The following ALMS1 variants were observed in gnomAD, a reference collection of about 807,000 sequenced individuals.
ALMS1 encodes the protein centrosome-associated protein ALMS1.
In ALMS1, 271 loss-of-function variants were observed where a neutral mutation model predicts 352.2. That is an observed-to-expected ratio of 0.77 (90% confidence interval 0.70 to 0.85). ALMS1 has a LOEUF of 0.85. Among genes scored for constraint, ALMS1 ranks in the 40% least tolerant of loss-of-function variants. The pLI is 0.00. For missense variants in ALMS1, 5,445 were observed against 4,870.7 expected (o/e 1.12, Z -3.51); for synonymous variants, 1,865 against 1,761.2 (o/e 1.06, Z -1.48).
chr2:73,489,784 C>G lies in ALMS1; in HGVS notation c.7825C>G (p.Pro2609Ala). 7 of 1,614,138 alleles carry G rather than the reference C, an allele frequency of 4.3e-6. No individual in the cohort carries two copies. Among genetic ancestry groups the G allele is most frequent in the Non-Finnish European group, 5.9e-6 (7 of 1,180,026 alleles). ...RHPCAFRSAGPSEMTRGRQNP... is the reference protein window; with the variant it reads ...RHPCAFRSAGASEMTRGRQNP... ...CCCTTGTGCTTTCAGATCTGCTGGA[C>G]CCTCAGAAATGACCAGAGGACGGCA... Residue 2609 changes from proline to alanine, a missense_variant, in exon 10 of 23, where the codon CCC becomes GCC. Physicochemically the swap from Pro to Ala is conservative, Grantham distance 27 (BLOSUM62 -1). Coordinates refer to ENST00000613296, the MANE Select transcript of ALMS1 (RefSeq NM_001378454.1).
Position 73,453,999 on chromosome 2 carries a change from C to A in ALMS1, c.7472C>A (p.Ser2491Tyr). The change falls in exon 8 of 23, where the codon TCC (serine) becomes TAC (tyrosine). Residue 2491 changes from serine (S) to tyrosine (Y), a missense_variant. Ser to Tyr is a moderately radical substitution (Grantham distance 144, BLOSUM62 -2). Coordinates refer to ENST00000613296, the MANE Select transcript of ALMS1 (RefSeq NM_001378454.1). ...AHVKNLLQCESSLNHAKEILR... is the reference protein window; with the variant it reads ...AHVKNLLQCEYSLNHAKEILR... Reference sequence around the variant, plus strand: ...GTGAAAAACCTTCTGCAATGTGAATCCTCACTGAATCATGCTAAAGAAATA... The same window carrying A: ...GTGAAAAACCTTCTGCAATGTGAATACTCACTGAATCATGCTAAAGAAATA... 6.2e-7 allele frequency: 1 copy of A among 1,613,770 alleles called. No individual in the cohort carries two copies. Among genetic ancestry groups the A allele is most frequent in the East Asian group, 2.2e-5 (1 of 44,812 alleles).
In ALMS1 at chr2:73,449,496, A is replaced by T; in HGVS notation, c.2969A>T (p.Gln990Leu). Residue 990 changes from glutamine (Q) to leucine (L), a missense_variant, in exon 8 of 23, where the codon CAG becomes CTG. Physicochemically the swap from Gln to Leu is moderately radical, Grantham distance 113. Coordinates refer to ENST00000613296, the MANE Select transcript of ALMS1 (RefSeq NM_001378454.1). ...KMSAIPGLTD[Q>L]KTVPTPTVPS... ...TCTGCTATTCCTGGACTGACTGACCAGAAGACTGTCCCAACACCAACAGTA... is the reference window on the plus strand; with the variant it reads ...TCTGCTATTCCTGGACTGACTGACCTGAAGACTGTCCCAACACCAACAGTA... 2 of 1,614,112 alleles carry T rather than the reference A, an allele frequency of 1.2e-6. No individual in the cohort carries two copies. Among genetic ancestry groups the T allele is most frequent in the Non-Finnish European group, 1.7e-6 (2 of 1,179,990 alleles).
At position 73,603,525 on chromosome 2, in the gene ALMS1, A is replaced by G. The variant is rs546709755; in HGVS notation, c.12362+221A>G. The G allele has an allele frequency of 1.3e-5, 7 of 538,758 alleles. No individual in the cohort carries two copies. In the African/African-American group the frequency reaches 1.3e-4, roughly 10 times the overall value. 33.4% of individuals were successfully genotyped at this position (538,758 alleles called of 1,614,324 possible). A position where few individuals can be genotyped will look rare whatever the true frequency, so the allele number is the denominator to read the frequency against. On this transcript the variant is annotated intron_variant, in intron 21 of 22. Transcript: ENST00000613296. The stretch of plus-strand genomic sequence containing the variant: ...GATGAAAAACTTCTCACTAATTTGC[A>G]TGTCTTAGGCTCCTCTTTATTAGAA...
chr2:73,417,646 G>A (rs1292557422), intron 2 of ALMS1, among the ~76,000 whole-genome samples: 1 of 151,756 alleles, frequency 6.6e-6, no homozygotes, highest in Non-Finnish European at 1.5e-5. Flanking sequence ...TCCATCCTGG[G>A]CAACATAGCA....
chr2:73,393,817 C>G (rs996169932), intron 1 of ALMS1, among the ~76,000 whole-genome samples: 1 of 142,370 alleles, frequency 7.0e-6, no homozygotes, highest in Admixed American at 7.1e-5. Flanking sequence ...CCAGGAAACA[C>G]TTTTTTTTTT....
chr2:73,577,073 T>C (rs1675069434), intron 16 of ALMS1, among the ~76,000 whole-genome samples: 4 of 152,230 alleles, frequency 2.6e-5, no homozygotes, highest in South Asian at 4.1e-4. Flanking sequence ...AAGAGGACTT[T>C]TTACATCTAT....
intron 11 of ALMS1, among the ~76,000 whole-genome samples, chr2:73,523,601 T>G (rs938995299): frequency 6.6e-6 from 1 of 152,178 alleles, no homozygotes; most frequent in Admixed American, 6.5e-5. Context: ...ACCTCATCTG[T>G]ACTAAAAATA....
intron 2 of ALMS1, among the ~76,000 whole-genome samples, chr2:73,412,405 A>G (rs916286825): frequency 4.1e-4 from 63 of 152,238 alleles, no homozygotes; most frequent in African/African-American, 1.4e-3. Flanking sequence ...GCATGTATCA[A>G]TAATTTGTCC....
chr2:73,587,538 G>T (rs1009198396), intron 16 of ALMS1, among the ~76,000 whole-genome samples: 1 of 152,148 alleles, frequency 6.6e-6, no homozygotes, highest in South Asian at 2.1e-4. Flanking sequence ...AGATGATCAT[G>T]TGATTTTTAT....
At position 73,452,231 on chromosome 2, in the gene ALMS1, GC is replaced by G; in HGVS notation, c.5706del (p.Ser1903ValfsTer16). The G allele has an allele frequency of 2.5e-6, 4 of 1,613,962 alleles. No individual in the cohort carries two copies. Among genetic ancestry groups the G allele is most frequent in the Non-Finnish European group, 3.4e-6 (4 of 1,179,980 alleles). On this transcript the variant is annotated frameshift_variant, in exon 8 of 23. Coordinates refer to ENST00000613296, the MANE Select transcript of ALMS1 (RefSeq NM_001378454.1). LOFTEE classifies it high-confidence loss of function. ...SSSSYSNREK[A>X]SIFHQQELPD... Reference sequence around the variant, plus strand: ...TAGTTCCTACTCAAATAGAGAGAAGGCCAGTATTTTTCATCAGCAGGAGTTG... The same window carrying G: ...TAGTTCCTACTCAAATAGAGAGAAGGCAGTATTTTTCATCAGCAGGAGTTG...
intron 14 of ALMS1, among the ~76,000 whole-genome samples, chr2:73,557,883 T>C (rs927052105): frequency 3.3e-5 from 5 of 152,198 alleles, no homozygotes; most frequent in African/African-American, 4.8e-5. Context: ...ACTCTTTCTC[T>C]TTTTTGTAAA....
intron 16 of ALMS1, 61 bp from the exon 17 acceptor site, chr2:73,599,340 C>G (rs1378887302): frequency 1.9e-6 from 3 of 1,601,528 alleles, no homozygotes; most frequent in South Asian, 1.1e-5. Context: ...CTTGCTTATC[C>G]TGTGGATAAC....
At chr2:73,511,542 C>T (rs762204147) in intron 10 of ALMS1, among the ~76,000 whole-genome samples, 3 of 152,104 alleles carry the variant, frequency 2.0e-5, no homozygotes, top group East Asian at 3.9e-4. Flanking sequence ...GTACCTTAGT[C>T]GGAAATGCAG....
intron 9 of ALMS1, among the ~76,000 whole-genome samples, chr2:73,466,609 T>A (rs1672352219): frequency 6.6e-6 from 1 of 152,000 alleles, no homozygotes; most frequent in Non-Finnish European, 1.5e-5. Context: ...ACCTGCACAT[T>A]GTGCACATGT....
At chr2:73,513,567 T>A (rs1401813358) in intron 10 of ALMS1, among the ~76,000 whole-genome samples, 1 of 152,176 alleles carries the variant, frequency 6.6e-6, no homozygotes, top group Non-Finnish European at 1.5e-5. Flanking sequence ...TTACCCTGTA[T>A]GACACCCTTC....
chr2:73,413,091 C>T (rs1424422187), intron 2 of ALMS1, among the ~76,000 whole-genome samples: 2 of 151,130 alleles, frequency 1.3e-5, no homozygotes, highest in African/African-American at 2.4e-5. Flanking sequence ...TATATAGCAT[C>T]TTTTTGTGTG....
rs2103771826 is a variant in ALMS1 at position 73,448,198 on chromosome 2, T to C, written c.1671T>C (p.Ile557=). ...AAGAGACTCTGAAAGTCACAGCTAT[T>C]CCTGAACCAGCTGACCAGAAGACTG... ...LTEETLKVTA[I]PEPADQKTAT... Residue 557 remains isoleucine (I), a synonymous_variant, in exon 8 of 23, where the codon ATT becomes ATC. Coordinates refer to ENST00000613296, the MANE Select transcript of ALMS1 (RefSeq NM_001378454.1). 6.2e-7 allele frequency: 1 copy of C among 1,614,040 alleles called. No homozygotes were observed. Among genetic ancestry groups the C allele is most frequent in the Non-Finnish European group, 8.5e-7 (1 of 1,179,934 alleles).
chr2:73,591,198 A>G (rs1675425987), intron 16 of ALMS1, among the ~76,000 whole-genome samples: 1 of 152,188 alleles, frequency 6.6e-6, no homozygotes, highest in Non-Finnish European at 1.5e-5. Flanking sequence ...GTTCATGCTA[A>G]AAAAGATCTT....
intron 21 of ALMS1, 149 bp downstream of exon 21, chr2:73,603,453 TG>T: frequency 3.0e-6 from 2 of 665,610 alleles, no homozygotes; most frequent in East Asian, 2.8e-5. Context: ...CTTATGGCAC[TG>T]AAAAAAAAAA....
Sources: allele counts gnomAD v4.1 joint callset (sites outside exome capture counted in the v4.1 genomes callset), GRCh38; gene constraint gnomAD v4.1.1; transcripts MANE v1.5; gene names NCBI Gene and HGNC (gene_info 2026-07-23, HGNC 2026-07-21).